The following OSBPL9 variants were observed in gnomAD, a reference collection of about 807,000 sequenced individuals.
OSBPL9 encodes oxysterol binding protein like 9.
In OSBPL9, 40 loss-of-function variants were observed where a neutral mutation model predicts 106.6. The ratio of observed to expected loss-of-function variants is 0.38; its 90% CI spans 0.29 to 0.49. OSBPL9 has a LOEUF of 0.49. Ranked by LOEUF, OSBPL9 falls within the 20% of genes least tolerant of loss-of-function variation. OSBPL9 has a pLI of 0.97. For synonymous variants in OSBPL9, 269 were observed against 295.4 expected, an observed-to-expected ratio of 0.91 and a Z score of 0.92; for missense variants, 609 against 887.2, an observed-to-expected ratio of 0.69 and a Z score of 3.98.
At chr1:51,702,107 T>C (rs543995022) in intron 3 of OSBPL9, among the ~76,000 whole-genome samples, 187 of 152,336 alleles carry the variant, frequency 1.2e-3, no homozygotes, top group African/African-American at 4.4e-3. Context: ...ACAGTAAACA[T>C]ACGTGTGCAT....
chr1:51,758,439 A>C (rs77118048), intron 9 of OSBPL9, among the ~76,000 whole-genome samples: 1 of 149,520 alleles, frequency 6.7e-6, no homozygotes, highest in East Asian at 1.9e-4. Flanking sequence ...AAAAAAAAAA[A>C]CCTGGTCTAT....
At chr1:51,720,637 T>C (rs141431487) in intron 4 of OSBPL9, among the ~76,000 whole-genome samples, 177 of 152,204 alleles carry the variant, frequency 1.2e-3, no homozygotes, top group Middle Eastern at 3.4e-3. Flanking sequence ...TTTATGTTTC[T>C]TAACTTTATG....
chr1:51,651,757 T>C (rs193122219), intron 1 of OSBPL9, among the ~76,000 whole-genome samples: 2 of 152,350 alleles, frequency 1.3e-5, no homozygotes, highest in East Asian at 3.9e-4. Context: ...TAATATATGT[T>C]ACATTAAAGG....
At chr1:51,553,018 G>A in the OSBPL9 span, among the ~76,000 whole-genome samples, 1 of 151,488 alleles carries the variant, frequency 6.6e-6, no homozygotes, top group Non-Finnish European at 1.5e-5. Flanking sequence ...GGTGCTTTAA[G>A]CATAAGCTTA....
At chr1:51,674,619 C>T (rs1382920196) in intron 3 of OSBPL9, among the ~76,000 whole-genome samples, 2 of 152,178 alleles carry the variant, frequency 1.3e-5, no homozygotes, top group Non-Finnish European at 2.9e-5. Context: ...GAATGCCTAA[C>T]GGCTAGGCAG....
At chr1:51,625,089 G>T (rs1422493488) in intron 1 of OSBPL9, among the ~76,000 whole-genome samples, 3 of 152,158 alleles carry the variant, frequency 2.0e-5, no homozygotes, top group African/African-American at 4.8e-5. Flanking sequence ...AACCTGATTG[G>T]GTTTATATTA....
chr1:51,747,497 C>G (rs895736053), intron 6 of OSBPL9, among the ~76,000 whole-genome samples: 11 of 147,904 alleles, frequency 7.4e-5, no homozygotes, highest in African/African-American at 2.8e-4. Context: ...TTTCTGACAG[C>G]TACTTTGTAG....
rs1004608199 is a variant in OSBPL9 at position 51,636,165 on chromosome 1, T to G, written c.112-15826T>G. Reference sequence around the variant, plus strand: ...TCTCTCTCTCTTGTTTTTTTTTTTTTTTTTTTTTTTTTTGAGACAGGGTCT... The same window carrying G: ...TCTCTCTCTCTTGTTTTTTTTTTTTGTTTTTTTTTTTTTGAGACAGGGTCT... On this transcript the variant is annotated intron_variant, in intron 1 of 23. Transcript: ENST00000428468. Among the ~76,000 whole-genome samples, 251 of 139,312 alleles carry G rather than the reference T, an allele frequency of 1.8e-3. 1 individual carries two copies. The highest frequency in any genetic ancestry group is 7.0e-3 in the African/African-American group (244 of 35,082). The allele number at this position is 139,312 out of a possible 152,430, so 91.4% of individuals were successfully genotyped here.
chr1:51,542,384 C>G, the OSBPL9 span, among the ~76,000 whole-genome samples: 1 of 152,176 alleles, frequency 6.6e-6, no homozygotes, highest in African/African-American at 2.4e-5. Context: ...CACGCAAGGT[C>G]TCCTTTCACT....
chr1:51,556,860 TCAAA>T, the OSBPL9 span, among the ~76,000 whole-genome samples: 4 of 150,010 alleles, frequency 2.7e-5, no homozygotes, highest in East Asian at 3.9e-4. Flanking sequence ...TATATATATC[TCAAA>T]CTAAGTAGAA....
intron 3 of OSBPL9, among the ~76,000 whole-genome samples, chr1:51,682,762 A>G (rs2148804399): frequency 6.6e-6 from 1 of 152,282 alleles, no homozygotes; most frequent in South Asian, 2.1e-4. Context: ...ATCTCAAAAA[A>G]AGAAAAAGAA....
At chr1:51,766,657 C>G (rs1266019928) in intron 12 of OSBPL9, among the ~76,000 whole-genome samples, 1 of 152,194 alleles carries the variant, frequency 6.6e-6, no homozygotes, top group Non-Finnish European at 1.5e-5. Context: ...GAAGCCATTA[C>G]TAAGTCCCAG....
chr1:51,551,823 G>A, the OSBPL9 span, among the ~76,000 whole-genome samples: 1 of 151,870 alleles, frequency 6.6e-6, no homozygotes, highest in Non-Finnish European at 1.5e-5. Flanking sequence ...GAACTCCTAA[G>A]CTCAGGAGAT....
At chr1:51,611,245 G>GAA (rs60959658) in intron 2 of OSBPL9, among the ~76,000 whole-genome samples, 111 of 136,942 alleles carry the variant, frequency 8.1e-4, no homozygotes, top group African/African-American at 2.4e-3. Flanking sequence ...TGGAAAGGGT[G>GAA]AAAAAAAAAA....
chr1:51,716,219 T>C (rs1164230616), intron 4 of OSBPL9, among the ~76,000 whole-genome samples: 2 of 152,208 alleles, frequency 1.3e-5, no homozygotes, highest in Non-Finnish European at 2.9e-5. Flanking sequence ...GATAGGACAT[T>C]TAGAAATATG....
chr1:51,593,116 T>G (rs1444879937), intron 1 of OSBPL9, among the ~76,000 whole-genome samples: 2 of 152,162 alleles, frequency 1.3e-5, no homozygotes. Flanking sequence ...TTTTCCTGTC[T>G]GCCCCCTCCC....
At chr1:51,667,874 G>A (rs955039284) in intron 2 of OSBPL9, among the ~76,000 whole-genome samples, 2 of 152,132 alleles carry the variant, frequency 1.3e-5, no homozygotes, top group African/African-American at 4.8e-5. Context: ...TATACTCTCT[G>A]GAGACACTTT....
At chr1:51,607,975 C>T (rs1003392828) in intron 2 of OSBPL9, among the ~76,000 whole-genome samples, 6 of 152,194 alleles carry the variant, frequency 3.9e-5, no homozygotes, top group Non-Finnish European at 8.8e-5. Flanking sequence ...TTGCATCTCT[C>T]CTCTCTTGAT....
intron 12 of OSBPL9, among the ~76,000 whole-genome samples, chr1:51,768,451 C>T (rs1673119649): frequency 1.4e-5 from 2 of 147,996 alleles, no homozygotes; most frequent in South Asian, 4.3e-4. Flanking sequence ...TGACCTCAGG[C>T]TGTCCGCCTG....
Sources: gnomAD v4.1 joint callset for allele counts (sites outside exome capture counted in the v4.1 genomes callset) on GRCh38, gnomAD v4.1.1 for gene constraint, MANE v1.5 for transcripts, NCBI Gene and HGNC (gene_info 2026-07-23, HGNC 2026-07-21) for gene names.